PHACTR3: variants seen among roughly 807,000 people sequenced by gnomAD.
PHACTR3 encodes the protein phosphatase and actin regulator 3.
A neutral mutation model predicts 66.8 loss-of-function variants in PHACTR3; 16 were observed. The ratio of observed to expected loss-of-function variants is 0.24; its 90% CI spans 0.16 to 0.36. The LOEUF (loss-of-function observed/expected upper bound fraction) is 0.36, where lower values mean the gene tolerates loss of function less well. PHACTR3 is among the 10% of genes least tolerant of loss of function. The pLI, the probability that PHACTR3 is intolerant of heterozygous loss-of-function variation, is 1.00. For synonymous variants in PHACTR3, 323 were observed against 292.1 expected (o/e 1.11, Z -1.08); for missense variants, 647 against 719.9 (o/e 0.90, Z 1.16).
intron 1 of PHACTR3, among the ~76,000 whole-genome samples, chr20:59,681,111 A>G (rs2036627872): frequency 6.6e-6 from 1 of 152,184 alleles, no homozygotes; most frequent in South Asian, 2.1e-4. Flanking sequence ...ACACCCATTT[A>G]CTTACACACT....
intron 7 of PHACTR3, among the ~76,000 whole-genome samples, chr20:59,784,693 C>G (rs1033180974): frequency 6.6e-6 from 1 of 152,174 alleles, no homozygotes; most frequent in Non-Finnish European, 1.5e-5. Flanking sequence ...AAGTGTGAAG[C>G]CTCTGAGGGT....
intron 1 of PHACTR3, among the ~76,000 whole-genome samples, chr20:59,668,380 G>A (rs919131959): frequency 6.6e-5 from 10 of 152,038 alleles, no homozygotes; most frequent in Non-Finnish European, 1.3e-4. Context: ...ACACCCGTAC[G>A]GGGTTAGAGG....
chr20:59,729,867 G>A (rs1038865828), intron 1 of PHACTR3, among the ~76,000 whole-genome samples: 9 of 152,138 alleles, frequency 5.9e-5, no homozygotes, highest in Admixed American at 1.3e-4. Flanking sequence ...CTTGGCTCTT[G>A]GGTGAAAATC....
chr20:59,677,378 C>T (rs1387580064), intron 1 of PHACTR3, among the ~76,000 whole-genome samples: 1 of 152,120 alleles, frequency 6.6e-6, no homozygotes. Context: ...AGAAGGCACA[C>T]TTGGCTTTTG....
chr20:59,726,487 A>C (rs1221406448), intron 1 of PHACTR3, among the ~76,000 whole-genome samples: 4 of 152,142 alleles, frequency 2.6e-5, no homozygotes, highest in African/African-American at 7.2e-5. Flanking sequence ...AAACGGAAAA[A>C]TGCAGAACTG....
chr20:59,702,971 A>G (rs2037560428), intron 1 of PHACTR3, among the ~76,000 whole-genome samples: 2 of 152,176 alleles, frequency 1.3e-5, no homozygotes, highest in South Asian at 4.1e-4. Flanking sequence ...ATCATTCTAA[A>G]CAAGCGTGTT....
At chr20:59,788,826 A>G (rs1014863822) in intron 7 of PHACTR3, among the ~76,000 whole-genome samples, 1 of 152,136 alleles carries the variant, frequency 6.6e-6, no homozygotes, top group Admixed American at 6.5e-5. Flanking sequence ...ATGTTTCCAC[A>G]TCAAAGCCCA....
At chr20:59,846,774 TAACTC>T (rs777820429) in intron 12 of PHACTR3, among the ~76,000 whole-genome samples, 25 of 152,306 alleles carry the variant, frequency 1.6e-4, no homozygotes, top group Admixed American at 2.6e-4. Context: ...CAAAAAGTCA[TAACTC>T]TACTATAATT....
chr20:59,785,751 C>A (rs2146938947), intron 7 of PHACTR3, among the ~76,000 whole-genome samples: 1 of 152,342 alleles, frequency 6.6e-6, no homozygotes, highest in Non-Finnish European at 1.5e-5. Context: ...GTCAGCAGCA[C>A]CAGCATCTGT....
In PHACTR3 at chr20:59,774,372, G is replaced by A. The variant is rs761009499; in HGVS notation, c.1056G>A (p.Lys352=). Reference sequence around the variant, plus strand: ...GCTTTGACGGGGCATTGGAGAACAAGCGAACTGCCGCTAAGGAATCTGAGG... The same window carrying A: ...GCTTTGACGGGGCATTGGAGAACAAACGAACTGCCGCTAAGGAATCTGAGG... ...AWSFDGALEN[K]RTAAKESEEN... The change falls in exon 7 of 13, where the codon AAG becomes AAA. Residue 352 remains lysine (K), a synonymous_variant. Transcript: ENST00000371015. The A allele has an allele frequency of 4.3e-6, 7 of 1,614,030 alleles. No homozygotes were observed. The East Asian group carries it at 1.1e-4, about 26-fold the overall frequency.
intron 1 of PHACTR3, 28 bp downstream of exon 1, chr20:59,605,160 G>A (rs989854501): frequency 2.4e-6 from 3 of 1,266,346 alleles, no homozygotes; most frequent in Non-Finnish European, 2.0e-6. Flanking sequence ...GGCGGCGGGC[G>A]GGTCGGGGAG....
chr20:59,605,154 GCGGGC>G, intron 1 of PHACTR3, 22 bp downstream of exon 1: 5 of 1,282,846 alleles, frequency 3.9e-6, no homozygotes, highest in South Asian at 2.3e-5. Context: ...GGCGGGGGCG[GCGGGC>G]GGGTCGGGGA....
intron 1 of PHACTR3, among the ~76,000 whole-genome samples, chr20:59,590,524 TG>T (rs2033152219): frequency 2.0e-5 from 3 of 152,134 alleles, no homozygotes; most frequent in African/African-American, 7.2e-5. Flanking sequence ...CCTGTTTGTT[TG>T]TTTATTCTTT....
intron 1 of PHACTR3, among the ~76,000 whole-genome samples, chr20:59,669,698 A>G (rs1456993238): frequency 6.6e-6 from 1 of 152,124 alleles, no homozygotes; most frequent in Non-Finnish European, 1.5e-5. Flanking sequence ...CCTATTCTGG[A>G]CACTTCATAG....
In PHACTR3 at chr20:59,721,924, G is replaced by A. The variant is rs558295564; in HGVS notation, c.119-21183G>A. Among the ~76,000 whole-genome samples the A allele has an allele frequency of 3.3e-5, 5 of 151,336 alleles. No individual in the cohort carries two copies. In the South Asian group the frequency reaches 1.1e-3, roughly 32 times the overall value. Reference sequence around the variant, plus strand: ...ACAAGACGACGTCAAAGAGTGACAAGTGGCCCAAAGAAAGTAAAACAAGGG... The same window carrying A: ...ACAAGACGACGTCAAAGAGTGACAAATGGCCCAAAGAAAGTAAAACAAGGG... On this transcript the variant is annotated intron_variant, in intron 1 of 12. Coordinates refer to ENST00000371015, the MANE Select transcript of PHACTR3 (RefSeq NM_080672.5).
intron 1 of PHACTR3, among the ~76,000 whole-genome samples, chr20:59,710,694 A>G (rs1194947545): frequency 6.6e-6 from 1 of 151,984 alleles, no homozygotes; most frequent in East Asian, 1.9e-4. Flanking sequence ...CATCCTCATT[A>G]ACCTTTACCT....
At chr20:59,755,055 T>G in intron 3 of PHACTR3, 127 bp from the exon 4 acceptor site, 2 of 886,160 alleles carry the variant, frequency 2.3e-6, no homozygotes, top group Non-Finnish European at 3.4e-6. Context: ...GGGTGTGTGG[T>G]GAGGGGGAGA....
intron 1 of PHACTR3, among the ~76,000 whole-genome samples, chr20:59,588,403 C>T (rs1012160695): frequency 5.3e-5 from 8 of 152,188 alleles, no homozygotes; most frequent in African/African-American, 1.4e-4. Flanking sequence ...GCAGCAGCCC[C>T]GTCCCCCTGG....
intron 1 of PHACTR3, among the ~76,000 whole-genome samples, chr20:59,720,425 G>C (rs575504817): frequency 3.2e-4 from 49 of 152,276 alleles, no homozygotes; most frequent in Non-Finnish European, 5.6e-4. Context: ...TTGCATACTG[G>C]GGGGGCACTT....
Sources: gnomAD v4.1 joint callset for allele counts (sites outside exome capture counted in the v4.1 genomes callset) on GRCh38, gnomAD v4.1.1 for gene constraint, MANE v1.5 for transcripts, NCBI Gene and HGNC (gene_info 2026-07-23, HGNC 2026-07-21) for gene names.